ANKS4B: variants seen among roughly 807,000 people sequenced by gnomAD.
ANKS4B encodes the protein ankyrin repeat and sterile alpha motif domain containing 4B, also known as ankyrin repeat and SAM domain-containing protein 4B.
In ANKS4B, 21 loss-of-function variants were observed where a neutral mutation model predicts 20.2. The ratio of observed to expected loss-of-function variants is 1.04; its 90% CI spans 0.74 to 1.50. ANKS4B has a LOEUF of 1.50. Ranked by LOEUF, ANKS4B falls within the 40% of genes most tolerant of loss-of-function variation. The pLI is 0.00. For missense variants in ANKS4B, 473 were observed against 494.6 expected (o/e 0.96, Z 0.41); for synonymous variants, 179 against 194.5 (o/e 0.92, Z 0.66).
intron 1 of ANKS4B, among the ~76,000 whole-genome samples, chr16:21,235,353 T>C (rs538600645): frequency 2.0e-5 from 3 of 152,156 alleles, no homozygotes; most frequent in Admixed American, 2.0e-4. Flanking sequence ...TGAGTATGGC[T>C]GGATGTGGTT....
chr16:21,237,374 T>G (rs1483569919), intron 1 of ANKS4B, among the ~76,000 whole-genome samples: 1 of 152,184 alleles, frequency 6.6e-6, no homozygotes, highest in East Asian at 1.9e-4. Context: ...CAATTTGCAT[T>G]TGTGTTAGTC....
chr16:21,246,313 G>A (rs1212096547), intron 1 of ANKS4B, among the ~76,000 whole-genome samples: 1 of 152,174 alleles, frequency 6.6e-6, no homozygotes, highest in Non-Finnish European at 1.5e-5. Flanking sequence ...AGTAATTTGT[G>A]GAATGTTGAG....
intron 1 of ANKS4B, chr16:21,244,057 A>C (rs1399653806): frequency 6.8e-6 from 1 of 147,914 alleles, no homozygotes; most frequent in Non-Finnish European, 1.5e-5. Context: ...AGATTCAGTG[A>C]AATGGGTGCA....
intron 1 of ANKS4B, among the ~76,000 whole-genome samples, chr16:21,246,900 A>G (rs1017966696): frequency 1.3e-5 from 2 of 152,238 alleles, no homozygotes; most frequent in Non-Finnish European, 2.9e-5. Flanking sequence ...ATTCCCGTGG[A>G]GTAACTGCAA....
intron 1 of ANKS4B, among the ~76,000 whole-genome samples, chr16:21,248,236 G>C (rs1416639987): frequency 6.6e-6 from 1 of 151,224 alleles, no homozygotes; most frequent in East Asian, 1.9e-4. Flanking sequence ...TGTTTCCCAG[G>C]CTGGTCTTGA....
Position 21,234,372 on chromosome 16 carries a change from T to A in ANKS4B, c.164+471T>A, listed in dbSNP as rs2093317597. On this transcript the variant is annotated intron_variant, in intron 1 of 1. Transcript: ENST00000311620. ...CAATCCCAGTGCAAGCTCATGATTT[T>A]TTTATTTTTTATTTTTGACACAGGG... Among the ~76,000 whole-genome samples, 3 of 152,050 alleles carry A rather than the reference T, an allele frequency of 2.0e-5. No homozygotes were observed. In the South Asian group the frequency reaches 6.2e-4, roughly 32 times the overall value.
intron 1 of ANKS4B, among the ~76,000 whole-genome samples, chr16:21,244,557 C>T (rs1417462012): frequency 1.3e-5 from 2 of 152,152 alleles, no homozygotes; most frequent in Non-Finnish European, 2.9e-5. Context: ...TTGTTTTCAA[C>T]TTATCCAATC....
intron 1 of ANKS4B, among the ~76,000 whole-genome samples, chr16:21,248,315 G>C (rs1312696496): frequency 2.8e-5 from 4 of 141,214 alleles, no homozygotes; most frequent in Non-Finnish European, 6.0e-5. Context: ...GAGCCACTGA[G>C]CCTAGCCTTT....
In ANKS4B at chr16:21,241,791, T is replaced by C. The variant is rs537802995; in HGVS notation, c.164+7890T>C. On this transcript the variant is annotated intron_variant, in intron 1 of 1. Coordinates refer to ENST00000311620, the MANE Select transcript of ANKS4B (RefSeq NM_145865.3). The stretch of plus-strand genomic sequence containing the variant: ...GTGATTTTTAAAAATATGTATACAT[T>C]GTGGAATTAAGTCAAGCTAATTGAC... Among the ~76,000 whole-genome samples the C allele has an allele frequency of 2.6e-5, 4 of 152,308 alleles. No homozygotes were observed. In the South Asian group the frequency reaches 8.3e-4, roughly 32 times the overall value.
intron 1 of ANKS4B, among the ~76,000 whole-genome samples, chr16:21,239,559 G>A (rs944514094): frequency 6.6e-6 from 1 of 152,050 alleles, no homozygotes; most frequent in African/African-American, 2.4e-5. Context: ...CCAGCCTGGG[G>A]AACAGCAAGA....
Position 21,250,773 on chromosome 16 carries a change from A to C in ANKS4B, c.1207A>C (p.Lys403Gln). The change falls in exon 2 of 2, where the codon AAG becomes CAG. Residue 403 changes from lysine to glutamine, a missense_variant. Lys to Gln is a moderately conservative substitution (Grantham distance 53). Transcript: ENST00000311620. ...KKVLNAINRR[K>Q]QVLQQPGQLV... ...AGTTCTGAATGCTATCAACAGGAGG[A>C]AGCAGGTGCTTCAACAGCCTGGGCA... 1 of 1,602,978 alleles carries C rather than the reference A, an allele frequency of 6.2e-7. No homozygotes were observed. The highest frequency in any genetic ancestry group is 8.5e-7 in the Non-Finnish European group (1 of 1,171,024).
chr16:21,238,525 T>C (rs1020362947), intron 1 of ANKS4B, among the ~76,000 whole-genome samples: 4 of 152,200 alleles, frequency 2.6e-5, no homozygotes, highest in African/African-American at 9.6e-5. Flanking sequence ...CTTTGTTGTG[T>C]GATTCTAACT....
In ANKS4B at chr16:21,250,606, C is replaced by G. The variant is rs765600168; in HGVS notation, c.1040C>G (p.Pro347Arg). The G allele has an allele frequency of 6.2e-7, 1 of 1,613,992 alleles. No individual in the cohort carries two copies. The highest frequency in any genetic ancestry group is 8.5e-7 in the Non-Finnish European group (1 of 1,179,972). ...EWEEDVVDATPLEVFLLSQHL... is the reference protein window; with the variant it reads ...EWEEDVVDATRLEVFLLSQHL... ...GAGGAAGATGTGGTCGATGCCACGCCCCTGGAAGTGTTCTTGCTGTCTCAG... is the reference window on the plus strand; with the variant it reads ...GAGGAAGATGTGGTCGATGCCACGCGCCTGGAAGTGTTCTTGCTGTCTCAG... The change falls in exon 2 of 2, where the codon CCC becomes CGC. Residue 347 changes from proline (P) to arginine (R), a missense_variant. By Grantham distance (103) the Pro-to-Arg change is moderately radical. Coordinates refer to ENST00000311620, the MANE Select transcript of ANKS4B (RefSeq NM_145865.3).
chr16:21,249,713 T>TC lies in ANKS4B; in HGVS notation c.165-17dup. On this transcript the variant is annotated splice_polypyrimidine_tract_variant and intron_variant, in intron 1 of 1. Coordinates refer to ENST00000311620, the MANE Select transcript of ANKS4B (RefSeq NM_145865.3). ...AAAAAAGTCCAACATGTATTTTTTT[T>TC]CTCTCTCTCTCTTCTAGAGGGGACC... 1 of 1,459,026 alleles carries TC rather than the reference T, an allele frequency of 6.9e-7. No homozygotes were observed. Among genetic ancestry groups the TC allele is most frequent in the Non-Finnish European group, 9.2e-7 (1 of 1,091,104 alleles). The allele number at this position is 1,459,026 out of a possible 1,614,324, so 90.4% of individuals were successfully genotyped here.
chr16:21,239,711 C>T (rs1213266124), intron 1 of ANKS4B, among the ~76,000 whole-genome samples: 2 of 152,168 alleles, frequency 1.3e-5, no homozygotes, highest in African/African-American at 4.8e-5. Flanking sequence ...ACATATACAG[C>T]ATGGAATAGT....
Position 21,249,830 on chromosome 16 carries a change from T to C in ANKS4B, c.264T>C (p.Gly88=). The change falls in exon 2 of 2, where the codon GGT becomes GGC. Residue 88 remains glycine (G), a synonymous_variant. Transcript: ENST00000311620. ...AHCVSFLVNF[G]ANIFALDNDL... is the part of the protein sequence containing the mutation. ...GCGTCTCATTCCTGGTCAACTTTGG[T>C]GCCAACATCTTTGCCCTGGATAATG... is the stretch of plus-strand genomic sequence containing the variant. The C allele has an allele frequency of 6.2e-7, 1 of 1,614,156 alleles. No individual in the cohort carries two copies. Among genetic ancestry groups the C allele is most frequent in the South Asian group, 1.1e-5 (1 of 91,078 alleles).
chr16:21,235,556 G>C (rs1357313588), intron 1 of ANKS4B, among the ~76,000 whole-genome samples: 40 of 152,176 alleles, frequency 2.6e-4, no homozygotes, highest in Admixed American at 2.5e-3. Flanking sequence ...TTTGGGGACT[G>C]TTTTAGTGGT....
rs1053279612 is a variant in ANKS4B, at chr16:21,252,778, C to G, written c.*1958C>G. On this transcript the variant is annotated 3_prime_UTR_variant, in exon 2 of 2. Coordinates refer to ENST00000311620, the MANE Select transcript of ANKS4B (RefSeq NM_145865.3). Reference sequence around the variant, plus strand: ...TTGGCTCATGCCTGTAATCCCAGCACTTTGGGAGGCCCAGGCAGGCAGATC... The same window carrying G: ...TTGGCTCATGCCTGTAATCCCAGCAGTTTGGGAGGCCCAGGCAGGCAGATC... 21 of 152,106 alleles carry G rather than the reference C, an allele frequency of 1.4e-4. No individual in the cohort carries two copies. Among genetic ancestry groups the G allele is most frequent in the African/African-American group, 5.1e-4 (21 of 41,406 alleles). 9.4% of individuals were successfully genotyped at this position (152,106 alleles called of 1,614,324 possible).
intron 1 of ANKS4B, among the ~76,000 whole-genome samples, chr16:21,245,096 ATAT>A (rs1368275508): frequency 6.6e-6 from 1 of 152,258 alleles, no homozygotes; most frequent in African/African-American, 2.4e-5. Flanking sequence ...GGACTTTACT[ATAT>A]TTTTCTTTTA....
Sources: gnomAD v4.1 joint callset for allele counts (sites outside exome capture counted in the v4.1 genomes callset) on GRCh38, gnomAD v4.1.1 for gene constraint, MANE v1.5 for transcripts, NCBI Gene and HGNC (gene_info 2026-07-23, HGNC 2026-07-21) for gene names.